Variants in ADGRD2 observed in about 807,000 individuals in gnomAD.
ADGRD2 encodes adhesion G protein-coupled receptor D2.
Under a neutral mutation model 44.4 loss-of-function variants are expected in ADGRD2, and 71 were observed. The ratio of observed to expected loss-of-function variants is 1.60; its 90% CI spans 1.32 to 1.95. The LOEUF is 1.95. Ranked by LOEUF, ADGRD2 falls within the 30% of genes most tolerant of loss-of-function variation. The pLI is 0.00. For synonymous variants in ADGRD2, 481 were observed against 224.8 expected, an observed-to-expected ratio of 2.14 and a Z score of -10.19; for missense variants, 1,039 against 512.4, an observed-to-expected ratio of 2.03 and a Z score of -9.92.
At chr9:124,452,334 G>A (rs1287964895) in intron 1 of ADGRD2, 176 bp from the exon 5 acceptor site, 3 of 640,918 alleles carry the variant, frequency 4.7e-6, no homozygotes, top group South Asian at 1.8e-5. Context: ...CTGCCATTGC[G>A]CAGATGACGA....
chr9:124,468,148 C>G (rs778331361), exon 13 of ADGRD2: 30 of 718,452 alleles, frequency 4.2e-5, no homozygotes, highest in Admixed American at 3.8e-4. Flanking sequence ...TGGCCTCTGC[C>G]GAGGGCTTCC....
chr9:124,477,129 C>T (rs1832064126), intron 21 of ADGRD2: 1 of 469,432 alleles, frequency 2.1e-6, no homozygotes, highest in African/African-American at 2.0e-5. Context: ...CTTCCAAACC[C>T]GCTGAGGGAG....
At chr9:124,470,845 G>A (rs1346229998) in intron 17 of ADGRD2, among the ~76,000 whole-genome samples, 2 of 152,234 alleles carry the variant, frequency 1.3e-5, no homozygotes, top group Non-Finnish European at 2.9e-5. Flanking sequence ...TGCCAGCTGG[G>A]AAGGCTGAGA....
intron 19 of ADGRD2, 54 bp from the exon 23 acceptor site, chr9:124,476,303 C>A (rs923143215): frequency 4.5e-6 from 3 of 668,008 alleles, no homozygotes; most frequent in East Asian, 2.7e-5. Flanking sequence ...GATGGGGGAG[C>A]AGAGAGAGGG....
At chr9:124,469,514 C>T (rs1831902878) in exon 16 of ADGRD2, 1 of 718,172 alleles carries the variant, frequency 1.4e-6, no homozygotes, top group Non-Finnish European at 2.6e-6. Context: ...AGCCCACAGC[C>T]CTGCCTGCAG....
At chr9:124,455,984 T>A (rs1324880628) in intron 6 of ADGRD2, among the ~76,000 whole-genome samples, 1 of 152,198 alleles carries the variant, frequency 6.6e-6, no homozygotes, top group Non-Finnish European at 1.5e-5. Context: ...GAAGACGGCA[T>A]AACACAGGAG....
chr9:124,474,073 C>T (rs1008495073), intron 17 of ADGRD2, among the ~76,000 whole-genome samples: 11 of 151,866 alleles, frequency 7.2e-5, no homozygotes. Flanking sequence ...GTCAGGAGTT[C>T]GAGACCAGCC....
In ADGRD2 at chr9:124,461,726, G is replaced by T. The variant is rs557533490; in HGVS notation, c.1870+3005G>T. Among the ~76,000 whole-genome samples the T allele has an allele frequency of 3.0e-3, 436 of 147,690 alleles. 2 individuals are homozygous for T. Among genetic ancestry groups the T allele is most frequent in the African/African-American group, 0.01 (422 of 40,264 alleles). On this transcript the variant is annotated intron_variant, in intron 10 of 21. Coordinates refer to ENST00000334810, the Ensembl canonical transcript of ADGRD2. ...ATCAGGTAGTGTATCTTCCAACTTT[G>T]TTTTTTTTTTTTAATTTGTTTTTTG...
chr9:124,476,555 A>C (rs1381753926), intron 20 of ADGRD2, 124 bp from the exon 24 acceptor site: 1 of 638,184 alleles, frequency 1.6e-6, no homozygotes, highest in African/African-American at 1.8e-5. Flanking sequence ...TCTTGGGCTG[A>C]AGGGCCCAGG....
intron 11 of ADGRD2, chr9:124,467,427 C>G (rs1168249683): frequency 7.6e-6 from 3 of 395,296 alleles, no homozygotes; most frequent in Middle Eastern, 1.3e-3. Context: ...TGATGATACT[C>G]CATGGTCCCC....
chr9:124,463,695 A>C (rs1017371296), intron 10 of ADGRD2, among the ~76,000 whole-genome samples: 6 of 152,092 alleles, frequency 3.9e-5, no homozygotes, highest in Non-Finnish European at 5.9e-5. Flanking sequence ...GAATGTGTCC[A>C]TTTCATCCAG....
intron 17 of ADGRD2, among the ~76,000 whole-genome samples, chr9:124,474,803 A>T (rs1168062564): frequency 6.6e-6 from 1 of 152,140 alleles, no homozygotes; most frequent in East Asian, 1.9e-4. Context: ...CCCCCACCAC[A>T]GACCTGCTGT....
intron 10 of ADGRD2, among the ~76,000 whole-genome samples, chr9:124,462,507 G>C (rs1041504537): frequency 2.0e-5 from 3 of 152,160 alleles, no homozygotes; most frequent in Non-Finnish European, 4.4e-5. Flanking sequence ...ATCAATTTGG[G>C]AGAACTGGCA....
At chr9:124,456,005 T>C (rs1034079456) in intron 6 of ADGRD2, among the ~76,000 whole-genome samples, 8 of 152,152 alleles carry the variant, frequency 5.3e-5, no homozygotes, top group South Asian at 2.1e-4. Context: ...GCTGGTTCTA[T>C]GGAATGATTC....
chr9:124,458,230 T>G, exon 9 of ADGRD2: 2 of 718,172 alleles, frequency 2.8e-6, no homozygotes, highest in South Asian at 3.0e-5. Flanking sequence ...GCAAACAGGG[T>G]GCAGAGGTGA....
rs976306029 is a variant in ADGRD2, at chr9:124,454,617, C to T, written c.1108+48C>T. 1 of 699,424 alleles carries T rather than the reference C, an allele frequency of 1.4e-6. No homozygotes were observed. Among genetic ancestry groups the T allele is most frequent in the Non-Finnish European group, 2.7e-6 (1 of 373,492 alleles). The allele number at this position is 699,424 out of a possible 1,614,324, so 43.3% of individuals were successfully genotyped here. A position where few individuals can be genotyped will look rare whatever the true frequency, so the allele number is the denominator to read the frequency against. ...GAAAGCCTGGGGGCTCCATGGGTCACCTCGCTGCACCTCAGTTTCCTCCCT... is the reference window on the plus strand; with the variant it reads ...GAAAGCCTGGGGGCTCCATGGGTCATCTCGCTGCACCTCAGTTTCCTCCCT... On this transcript the variant is annotated intron_variant, in intron 5 of 21. Coordinates refer to ENST00000334810, the Ensembl canonical transcript of ADGRD2. The surrounding 1 kb of genome is among the most constrained non-coding windows in gnomAD (Gnocchi z 4.5).
intron 10 of ADGRD2, among the ~76,000 whole-genome samples, chr9:124,461,486 T>C (rs1418805922): frequency 6.6e-6 from 1 of 152,252 alleles, no homozygotes; most frequent in East Asian, 1.9e-4. Context: ...TTGAAGTTCA[T>C]TTTTTTCCAT....
At chr9:124,458,564 G>A in intron 9 of ADGRD2, 52 bp from the exon 13 acceptor site, 1 of 707,282 alleles carries the variant, frequency 1.4e-6, no homozygotes, top group Non-Finnish European at 2.7e-6. Context: ...GCCGCAGCCA[G>A]GCACCATCCC....
chr9:124,451,214 C>T (rs1235955042), upstream of ADGRD2: 2 of 471,916 alleles, frequency 4.2e-6, no homozygotes, highest in Non-Finnish European at 8.8e-6. Context: ...GGCCAGAGAA[C>T]TCGGCAGAGG....
Sources: allele counts gnomAD v4.1 joint callset (sites outside exome capture counted in the v4.1 genomes callset), GRCh38; gene constraint gnomAD v4.1.1; non-coding constraint Gnocchi (gnomAD v3.1); transcripts MANE v1.5; gene names NCBI Gene and HGNC (gene_info 2026-07-23, HGNC 2026-07-21).